Variants in ATP8A2 observed in about 807,000 individuals in gnomAD.
ATP8A2 encodes ATPase phospholipid transporting 8A2.
Under a neutral mutation model 165.6 loss-of-function variants are expected in ATP8A2, and 100 were observed. The observed-to-expected ratio is 0.60, with a 90% CI of 0.51 to 0.71. The LOEUF is 0.71. Ranked by LOEUF, ATP8A2 falls within the 30% of genes least tolerant of loss-of-function variation. The pLI is 0.00. For synonymous variants in ATP8A2, 543 were observed against 548.8 expected (o/e 0.99, Z 0.15); for missense variants, 1,227 against 1,479.5 (o/e 0.83, Z 2.80).
At chr13:25,736,386 C>A (rs1369528665) in intron 25 of ATP8A2, among the ~76,000 whole-genome samples, 1 of 152,202 alleles carries the variant, frequency 6.6e-6, no homozygotes, top group Admixed American at 6.5e-5. Context: ...CTGCAATGAA[C>A]CCTGTGTTCC....
At chr13:25,793,974 T>C (rs926130075) in intron 27 of ATP8A2, among the ~76,000 whole-genome samples, 1 of 152,194 alleles carries the variant, frequency 6.6e-6, no homozygotes, top group African/African-American at 2.4e-5. Context: ...GTTTAAGCCA[T>C]TTTGAAGAGC....
intron 25 of ATP8A2, among the ~76,000 whole-genome samples, chr13:25,739,988 TA>T (rs1459251271): frequency 6.6e-6 from 1 of 152,146 alleles, no homozygotes; most frequent in Non-Finnish European, 1.5e-5. Context: ...GGCTGACCAT[TA>T]GGGGCCACCT....
Position 25,961,121 on chromosome 13 carries a change from G to A in ATP8A2, c.3184-454G>A, listed in dbSNP as rs1004642204. On this transcript the variant is annotated intron_variant, in intron 33 of 36. Coordinates refer to ENST00000381655, the MANE Select transcript of ATP8A2 (RefSeq NM_016529.6). ...TATTCATCTTCCTTTCCTGGGTGGG[G>A]AGAACCACCATGCCTTGTACCAAGT... Among the ~76,000 whole-genome samples the A allele has an allele frequency of 2.6e-5, 4 of 152,162 alleles. 1 individual carries two copies. In the South Asian group the frequency reaches 8.3e-4, roughly 32 times the overall value.
chr13:25,726,868 G>A (rs1467349561), intron 25 of ATP8A2, among the ~76,000 whole-genome samples: 2 of 152,108 alleles, frequency 1.3e-5, no homozygotes, highest in African/African-American at 2.4e-5. Context: ...AGGGTCTGGA[G>A]GTAAAAGACC....
chr13:25,440,662 A>G (rs1333841548), intron 1 of ATP8A2, among the ~76,000 whole-genome samples: 1 of 152,220 alleles, frequency 6.6e-6, no homozygotes, highest in Non-Finnish European at 1.5e-5. Flanking sequence ...TAAAAAATGT[A>G]TAGATGCAGT....
chr13:26,015,083 G>A (rs1411023367), intron 36 of ATP8A2, among the ~76,000 whole-genome samples: 1 of 152,156 alleles, frequency 6.6e-6, no homozygotes. Flanking sequence ...AGTCATAAAT[G>A]TCTTAAAGAC....
Position 26,022,643 on chromosome 13 carries a change from ATGTATAATATTTAGCCAGGGC to A in ATP8A2, c.*2659_*2679del, listed in dbSNP as rs1327094657. ...GGAGGAGCAGCTGTCACTACGTGTG[ATGTATAATATTTAGCCAGGGC>A]CAACTCAGGGGCTGTGTCATTTGTC... On this transcript the variant is annotated 3_prime_UTR_variant, in exon 37 of 37. Coordinates refer to ENST00000381655, the MANE Select transcript of ATP8A2 (RefSeq NM_016529.6). 6.6e-6 allele frequency: 1 copy of A among 152,180 alleles called. No homozygotes were observed. The highest frequency in any genetic ancestry group is 2.4e-5 in the African/African-American group (1 of 41,440). The allele number at this position is 152,180 out of a possible 1,614,324, so 9.4% of individuals were successfully genotyped here. A position where few individuals can be genotyped will look rare whatever the true frequency, so the allele number is the denominator to read the frequency against.
intron 33 of ATP8A2, among the ~76,000 whole-genome samples, chr13:25,895,841 C>G (rs529722561): frequency 1.3e-5 from 2 of 152,264 alleles, no homozygotes; most frequent in Admixed American, 6.5e-5. Context: ...ATAGTATTCT[C>G]TGATGGTAGT....
At chr13:25,567,503 T>A in intron 16 of ATP8A2, 4 of 411,606 alleles carry the variant, frequency 9.7e-6, no homozygotes, top group South Asian at 7.2e-5. Context: ...TAGGGACAGG[T>A]GCAACCCCTG....
At chr13:25,829,082 AC>A (rs1034481769) in intron 28 of ATP8A2, among the ~76,000 whole-genome samples, 1 of 152,214 alleles carries the variant, frequency 6.6e-6, no homozygotes, top group Non-Finnish European at 1.5e-5. Context: ...CCATGCTTTC[AC>A]CCCCCTTTAT....
chr13:25,481,094 G>T (rs1402148946), intron 2 of ATP8A2, among the ~76,000 whole-genome samples: 1 of 150,716 alleles, frequency 6.6e-6, no homozygotes, highest in African/African-American at 2.4e-5. Flanking sequence ...TCAGTGAGCC[G>T]AGATGGCAGC....
chr13:25,942,065 T>C (rs1324411), intron 33 of ATP8A2, among the ~76,000 whole-genome samples: 17,273 of 152,226 alleles, frequency 0.11, 1,092 homozygotes, highest in African/African-American at 0.16. Context: ...GATTGTATTA[T>C]ATGTACTCTT....
chr13:25,772,255 A>G (rs897890725), intron 26 of ATP8A2, among the ~76,000 whole-genome samples: 1 of 152,126 alleles, frequency 6.6e-6, no homozygotes, highest in Non-Finnish European at 1.5e-5. Context: ...GAACGACCTC[A>G]TGATGACAGC....
At chr13:25,380,196 T>C (rs1020753029) in intron 1 of ATP8A2, among the ~76,000 whole-genome samples, 21 of 151,966 alleles carry the variant, frequency 1.4e-4, no homozygotes, top group African/African-American at 5.1e-4. Context: ...GCCATACAAA[T>C]GGAAACCAGG....
intron 30 of ATP8A2, among the ~76,000 whole-genome samples, chr13:25,850,349 A>T (rs1951974529): frequency 6.6e-6 from 1 of 152,236 alleles, no homozygotes; most frequent in East Asian, 1.9e-4. Context: ...GAGCCTATAC[A>T]TTTGACCCCT....
At chr13:25,568,673 G>A (rs9581396) in intron 16 of ATP8A2, among the ~76,000 whole-genome samples, 2,194 of 152,224 alleles carry the variant, frequency 0.014, 49 homozygotes, top group African/African-American at 0.049. Flanking sequence ...GAAGTTTTGT[G>A]TATAGATAGT....
intron 16 of ATP8A2, 35 bp from the exon 17 acceptor site, chr13:25,570,729 GTGT>G (rs1460649691): frequency 2.7e-6 from 4 of 1,508,986 alleles, no homozygotes; most frequent in Non-Finnish European, 3.7e-6. Context: ...CCTGTTGAAG[GTGT>G]TGTATCTGAC....
At chr13:25,916,669 A>G (rs940528978) in intron 33 of ATP8A2, among the ~76,000 whole-genome samples, 1 of 152,202 alleles carries the variant, frequency 6.6e-6, no homozygotes, top group African/African-American at 2.4e-5. Context: ...CAAATGAGGA[A>G]ATCGAAGCCC....
At chr13:25,984,356 C>G (rs1464052151) in intron 35 of ATP8A2, among the ~76,000 whole-genome samples, 2 of 152,048 alleles carry the variant, frequency 1.3e-5, no homozygotes, top group African/African-American at 4.8e-5. Flanking sequence ...GTAATTCCAG[C>G]ACTTTGGGAG....
Sources: gnomAD v4.1 joint callset for allele counts (sites outside exome capture counted in the v4.1 genomes callset) on GRCh38, gnomAD v4.1.1 for gene constraint, MANE v1.5 for transcripts, NCBI Gene and HGNC (gene_info 2026-07-23, HGNC 2026-07-21) for gene names.